Variants in PHC1 observed in about 807,000 individuals in gnomAD.
The protein encoded by PHC1 is polyhomeotic-like protein 1.
A neutral mutation model predicts 104.3 loss-of-function variants in PHC1; 12 were observed. The ratio of observed to expected loss-of-function variants is 0.12; its 90% confidence interval spans 0.07 to 0.19. The LOEUF (loss-of-function observed/expected upper bound fraction) is 0.19. PHC1 is among the 10% of genes least tolerant of loss of function. The pLI is 1.00. For missense variants in PHC1, 671 were observed against 1,200.0 expected (o/e 0.56, Z 6.51); for synonymous variants, 302 against 455.8 (o/e 0.66, Z 4.30).
chr12:8,917,956 T>A (rs1945248846), intron 2 of PHC1, among the ~76,000 whole-genome samples, 165 bp downstream of exon 2: 1 of 152,244 alleles, frequency 6.6e-6, no homozygotes, highest in Non-Finnish European at 1.5e-5. Context: ...AGTTTACAAA[T>A]GTTTAGGCAA....
chr12:8,934,051 G>A (rs1185695164), intron 9 of PHC1, 39 bp downstream of exon 9: 1 of 1,605,442 alleles, frequency 6.2e-7, no homozygotes, highest in Non-Finnish European at 8.5e-7. Flanking sequence ...AGAGCACACA[G>A]AGTAGAGGAA....
At chr12:8,920,362 T>C (rs1945326797) in intron 3 of PHC1, among the ~76,000 whole-genome samples, 2 of 152,220 alleles carry the variant, frequency 1.3e-5, no homozygotes, top group South Asian at 4.1e-4. Context: ...TATATTTATA[T>C]TGGATACCTC....
At chr12:8,936,343 C>T (rs753170270) in intron 11 of PHC1, among the ~76,000 whole-genome samples, 5 of 152,166 alleles carry the variant, frequency 3.3e-5, no homozygotes, top group African/African-American at 7.2e-5. Context: ...GATAGCACCA[C>T]GGCACTCCAG....
rs752339022 is a variant in PHC1, at chr12:8,932,558, T to TA, written c.1106-4dup. On this transcript the variant is annotated splice_region_variant and splice_polypyrimidine_tract_variant and intron_variant, in intron 7 of 14. Coordinates refer to ENST00000544916, the MANE Select transcript of PHC1 (RefSeq NM_004426.3). ...CTCTGTTGTATTCTGGGATTGTTCCTATAGCCACCTACACACAGATCCAGC... is the reference window on the plus strand; with the variant it reads ...CTCTGTTGTATTCTGGGATTGTTCCTAATAGCCACCTACACACAGATCCAGC... The TA allele has an allele frequency of 1.2e-6, 2 of 1,612,712 alleles. No individual in the cohort carries two copies. The highest frequency in any genetic ancestry group is 1.7e-6 in the Non-Finnish European group (2 of 1,178,876).
chr12:8,916,435 G>A (rs988959191), intron 1 of PHC1, among the ~76,000 whole-genome samples: 1 of 151,996 alleles, frequency 6.6e-6, no homozygotes, highest in Admixed American at 6.6e-5. Flanking sequence ...TAATATTTTG[G>A]TGACCTGATA....
chr12:8,935,896 G>C (rs982118495), intron 11 of PHC1, among the ~76,000 whole-genome samples: 1 of 152,030 alleles, frequency 6.6e-6, no homozygotes, highest in Non-Finnish European at 1.5e-5. Flanking sequence ...GAGTAACTGG[G>C]ATTACAGGCA....
In PHC1 at chr12:8,939,511, G is replaced by A. The variant is rs756776370; in HGVS notation, c.*52G>A. The A allele has an allele frequency of 4.0e-6, 4 of 1,006,688 alleles. No individual in the cohort carries two copies. Among genetic ancestry groups the A allele is most frequent in the Non-Finnish European group, 2.9e-6 (2 of 688,942 alleles). The allele number at this position is 1,006,688 out of a possible 1,614,324, so 62.4% of individuals were successfully genotyped here. On this transcript the variant is annotated 3_prime_UTR_variant, in exon 15 of 15. Coordinates refer to ENST00000544916, the MANE Select transcript of PHC1 (RefSeq NM_004426.3). ...AAGGCAGACACTCTCCACTGTCCAGGTTATAACCTGGTACCAGCAGACTTT... is the reference window on the plus strand; with the variant it reads ...AAGGCAGACACTCTCCACTGTCCAGATTATAACCTGGTACCAGCAGACTTT...
intron 5 of PHC1, 128 bp from the exon 6 acceptor site, chr12:8,922,505 G>A (rs1270957233): frequency 6.7e-6 from 5 of 741,266 alleles, no homozygotes; most frequent in South Asian, 5.6e-5. Context: ...CTGGGTTGGT[G>A]TGGAAGAGGC....
Position 8,938,241 on chromosome 12 carries a change from G to C in PHC1, c.2860+181G>C, listed in dbSNP as rs947400216. ...TTTTTCTGGGTTGACATTATCTTCTGTAATGTCAGCAATTTTACAGTGTTT... is the reference window on the plus strand; with the variant it reads ...TTTTTCTGGGTTGACATTATCTTCTCTAATGTCAGCAATTTTACAGTGTTT... On this transcript the variant is annotated intron_variant, in intron 14 of 14. Transcript: ENST00000544916. 2.6e-5 allele frequency among the ~76,000 whole-genome samples: 4 copies of C among 152,274 alleles called. No individual in the cohort carries two copies. The East Asian group carries it at 7.7e-4, about 29-fold the overall frequency.
chr12:8,914,453 A>ACGG (rs1945138441), upstream of PHC1: 1 of 58,328 alleles, frequency 1.7e-5, no homozygotes, highest in Non-Finnish European at 3.7e-5. Context: ...AGGCGGAGGG[A>ACGG]CGGCGGGGGG....
In PHC1 at chr12:8,933,931, A is replaced by C. The variant is rs1411535168; in HGVS notation, c.1960A>C (p.Thr654Pro). 7 of 1,610,482 alleles carry C rather than the reference A, an allele frequency of 4.3e-6. No individual in the cohort carries two copies. In the Admixed American group the frequency reaches 1.2e-4, roughly 27 times the overall value. The part of the protein sequence containing the change: ...DSEEERDDVS[T>P]LGSMLPAKAS... ...TGAGGAGGAGAGAGATGATGTCTCC[A>C]CATTGGGTTCAATGCTTCCTGCCAA... The change falls in exon 9 of 15, where the codon ACA becomes CCA. Residue 654 changes from threonine (T) to proline (P), a missense_variant. Physicochemically the swap from Thr to Pro is conservative, Grantham distance 38 (BLOSUM62 -1). This residue lies in a region of PHC1 where 95 missense variants were observed against 108.8 expected (regional missense o/e 0.87). Coordinates refer to ENST00000544916, the MANE Select transcript of PHC1 (RefSeq NM_004426.3).
chr12:8,938,064 C>T lies in PHC1; in HGVS notation c.2860+4C>T, dbSNP rs1945892202. ...GAGTTTATTGCTTCTCTCCAAGGTA[C>T]TGACCCTCTCTTCAACAGAACCCAG... On this transcript the variant is annotated splice_donor_region_variant and intron_variant, in intron 14 of 14. Transcript: ENST00000544916. 1 of 1,598,690 alleles carries T rather than the reference C, an allele frequency of 6.3e-7. No homozygotes were observed. Among genetic ancestry groups the T allele is most frequent in the East Asian group, 2.2e-5 (1 of 44,762 alleles).
chr12:8,935,550 T>C (rs1298765263), intron 11 of PHC1, among the ~76,000 whole-genome samples: 1 of 151,750 alleles, frequency 6.6e-6, no homozygotes, highest in Non-Finnish European at 1.5e-5. Flanking sequence ...CACTTGAACC[T>C]GGGAGGCGGA....
Position 8,939,746 on chromosome 12 carries a change from A to G in PHC1, c.*287A>G, listed in dbSNP as rs1238311026. The G allele has an allele frequency of 8.0e-6, 4 of 497,244 alleles. No homozygotes were observed. Among genetic ancestry groups the G allele is most frequent in the African/African-American group, 5.7e-5 (3 of 52,358 alleles). 30.8% of individuals were successfully genotyped at this position (497,244 alleles called of 1,614,324 possible). A position where few individuals can be genotyped will look rare whatever the true frequency, so the allele number is the denominator to read the frequency against. Reference sequence around the variant, plus strand: ...TATAAAAGAGGCAGTCTAGAGAACTAGGACTGCTCAGCCTTATCCTGGAGT... The same window carrying G: ...TATAAAAGAGGCAGTCTAGAGAACTGGGACTGCTCAGCCTTATCCTGGAGT... On this transcript the variant is annotated 3_prime_UTR_variant, in exon 15 of 15. Coordinates refer to ENST00000544916, the MANE Select transcript of PHC1 (RefSeq NM_004426.3).
chr12:8,934,595 T>TA (rs1212537157), intron 10 of PHC1, 117 bp downstream of exon 10: 5 of 655,784 alleles, frequency 7.6e-6, no homozygotes, highest in Non-Finnish European at 1.0e-5. Flanking sequence ...ATGGTTCAAT[T>TA]ACGCTATTTA....
intron 8 of PHC1, 91 bp from the exon 9 acceptor site, chr12:8,933,773 GA>G (rs1945756982): frequency 9.1e-7 from 1 of 1,100,882 alleles, no homozygotes; most frequent in Non-Finnish European, 1.3e-6. Flanking sequence ...CTGGAACTAA[GA>G]AAATTTTCTT....
intron 7 of PHC1, 66 bp downstream of exon 7, chr12:8,930,993 TTTTGCCTTTTTTTC>T: frequency 2.0e-6 from 3 of 1,505,728 alleles, no homozygotes; most frequent in Non-Finnish European, 1.8e-6. Flanking sequence ...TTTTTTCTTT[TTTTGCCTTTTTTTC>T]TTTGCCTTTT....
intron 11 of PHC1, among the ~76,000 whole-genome samples, 188 bp from the exon 12 acceptor site, chr12:8,936,668 A>C (rs1945846591): frequency 6.6e-6 from 1 of 152,194 alleles, no homozygotes; most frequent in Admixed American, 6.5e-5. Flanking sequence ...GACGTCATAA[A>C]GTTCTCAAGG....
intron 10 of PHC1, 137 bp downstream of exon 10, chr12:8,934,615 A>G: frequency 1.6e-6 from 1 of 619,450 alleles, no homozygotes; most frequent in Non-Finnish European, 2.7e-6. Flanking sequence ...ATTTAATTAT[A>G]AAGAAGGAAA....
Sources: gnomAD v4.1 joint callset for allele counts (sites outside exome capture counted in the v4.1 genomes callset) on GRCh38, gnomAD v4.1.1 for gene constraint, gnomAD v4.1.1 regional missense constraint, MANE v1.5 for transcripts, NCBI Gene and HGNC (gene_info 2026-07-23, HGNC 2026-07-21) for gene names.